Variants in ROBO2 observed in about 807,000 individuals in gnomAD.
ROBO2 encodes the protein roundabout guidance receptor 2.
ROBO2 carries 53 observed loss-of-function variants against 160.8 expected under a neutral mutation model. That is an observed-to-expected ratio of 0.33 (90% confidence interval 0.26 to 0.41). ROBO2 has a LOEUF of 0.41. Among genes scored for constraint, ROBO2 ranks in the 10% least tolerant of loss-of-function variants. The probability of loss-of-function intolerance (pLI) is 1.00; values close to 1 mark genes in which losing one functional copy is unlikely to be tolerated. For synonymous variants in ROBO2, 664 were observed against 611.7 expected (o/e 1.09, Z -1.26); for missense variants, 1,577 against 1,722.4 (o/e 0.92, Z 1.49).
intron 2 of ROBO2, among the ~76,000 whole-genome samples, chr3:77,312,930 T>G (rs1482133914): frequency 6.6e-6 from 1 of 152,240 alleles, no homozygotes; most frequent in Non-Finnish European, 1.5e-5. Flanking sequence ...TTATTTACCT[T>G]TTCTGTTGGC....
exon 21 of ROBO2, chr3:77,607,853 C>A (rs749588131): frequency 6.2e-7 from 1 of 1,613,924 alleles, no homozygotes; most frequent in East Asian, 2.2e-5. Flanking sequence ...CACAGAAAAA[C>A]AATGGATCCA....
chr3:76,981,225 A>G (rs941964885), intron 2 of ROBO2, among the ~76,000 whole-genome samples: 8 of 152,328 alleles, frequency 5.3e-5, no homozygotes, highest in African/African-American at 1.7e-4. Flanking sequence ...GCTGGGTCAT[A>G]TAGTAACTAT....
chr3:76,393,646 G>T (rs2077270082), intron 2 of ROBO2, among the ~76,000 whole-genome samples: 1 of 152,158 alleles, frequency 6.6e-6, no homozygotes. Context: ...CACAATAGTT[G>T]AACTTGATAA....
At chr3:76,145,016 TTTC>T (rs1382766894) in intron 2 of ROBO2, among the ~76,000 whole-genome samples, 1 of 151,960 alleles carries the variant, frequency 6.6e-6, no homozygotes, top group African/African-American at 2.4e-5. Flanking sequence ...TATTCAAGAA[TTTC>T]TTCATTTATT....
intron 2 of ROBO2, among the ~76,000 whole-genome samples, chr3:76,070,376 T>C (rs776654640): frequency 1.3e-5 from 2 of 152,088 alleles, no homozygotes; most frequent in African/African-American, 2.4e-5. Flanking sequence ...ATTGCAGAGA[T>C]GAAATGGACT....
intron 2 of ROBO2, among the ~76,000 whole-genome samples, chr3:76,266,316 C>G (rs1707097072): frequency 6.6e-6 from 1 of 152,032 alleles, no homozygotes; most frequent in Non-Finnish European, 1.5e-5. Flanking sequence ...CAAGGGTTGA[C>G]AAATTATTAT....
intron 2 of ROBO2, among the ~76,000 whole-genome samples, chr3:76,691,067 A>G (rs1301905851): frequency 1.3e-5 from 2 of 152,092 alleles, no homozygotes; most frequent in African/African-American, 2.4e-5. Flanking sequence ...AAAAAAGAAC[A>G]ATAATTAACC....
At chr3:75,921,868 G>A (rs919866175) in intron 1 of ROBO2, among the ~76,000 whole-genome samples, 2 of 152,056 alleles carry the variant, frequency 1.3e-5, no homozygotes, top group Admixed American at 6.6e-5. Flanking sequence ...TACCCTCAAT[G>A]GTATATGTGT....
At chr3:77,576,006 A>T (rs543536852) in intron 14 of ROBO2, among the ~76,000 whole-genome samples, 16 of 152,182 alleles carry the variant, frequency 1.1e-4, no homozygotes, top group Admixed American at 7.2e-4. Context: ...GTTCTTTCAC[A>T]TCTGTAGAAC....
At chr3:76,608,484 C>T (rs2087829739) in intron 2 of ROBO2, among the ~76,000 whole-genome samples, 1 of 152,152 alleles carries the variant, frequency 6.6e-6, no homozygotes, top group Admixed American at 6.5e-5. Flanking sequence ...ACTCCTAAGC[C>T]CCTTACATCC....
chr3:77,187,448 CA>C (rs999425166), intron 2 of ROBO2, among the ~76,000 whole-genome samples: 16 of 151,872 alleles, frequency 1.1e-4, no homozygotes, highest in African/African-American at 3.6e-4. Context: ...AAGTCTATGT[CA>C]AAACAGTAAA....
At chr3:76,164,918 T>C (rs540757217) in intron 2 of ROBO2, among the ~76,000 whole-genome samples, 15 of 152,208 alleles carry the variant, frequency 9.9e-5, no homozygotes, top group African/African-American at 3.4e-4. Flanking sequence ...ACAAAACCAA[T>C]TCAAAGCCAA....
At chr3:77,289,187 G>C (rs536669244) in intron 2 of ROBO2, among the ~76,000 whole-genome samples, 113 of 152,166 alleles carry the variant, frequency 7.4e-4, no homozygotes, top group Non-Finnish European at 1.4e-3. Flanking sequence ...GATGTGAGGG[G>C]AGGTGCTTGA....
intron 2 of ROBO2, among the ~76,000 whole-genome samples, chr3:76,168,967 CT>C (rs1367104135): frequency 2.6e-5 from 4 of 151,494 alleles, no homozygotes; most frequent in Admixed American, 2.6e-4. Flanking sequence ...CATTGATTTC[CT>C]AACTTTTAAA....
intron 2 of ROBO2, among the ~76,000 whole-genome samples, chr3:76,421,753 C>G (rs2076006005): frequency 6.6e-6 from 1 of 151,804 alleles, no homozygotes; most frequent in African/African-American, 2.4e-5. Context: ...GGCAATTTGT[C>G]CATACAACAT....
chr3:76,656,720 G>A lies in ROBO2; in HGVS notation c.110-441294G>A, dbSNP rs76374511. On this transcript the variant is annotated intron_variant, in intron 2 of 26. Coordinates refer to the ROBO2 transcript ENST00000487694. The stretch of plus-strand genomic sequence containing the variant: ...TTCCCACTGTAAACCTCAGACCTCC[G>A]AGACATTATGGCAGCCTTGAACTTG... 4.3e-3 allele frequency among the ~76,000 whole-genome samples: 648 copies of A among 151,820 alleles called. 4 individuals carry two copies. Among genetic ancestry groups the A allele is most frequent in the African/African-American group, 0.015 (627 of 41,358 alleles).
At chr3:76,284,301 C>A (rs145170487) in intron 2 of ROBO2, among the ~76,000 whole-genome samples, 2,103 of 152,058 alleles carry the variant, frequency 0.014, 37 homozygotes, top group Admixed American at 0.039. Flanking sequence ...AAGCTTGCCT[C>A]TTTCACCTTT....
intron 2 of ROBO2, among the ~76,000 whole-genome samples, chr3:76,897,037 C>T (rs1278790169): frequency 6.6e-6 from 1 of 152,068 alleles, no homozygotes; most frequent in African/African-American, 2.4e-5. Flanking sequence ...CACTCTACCT[C>T]TAGAGTCCAT....
At chr3:77,169,574 G>A (rs1177953072) in intron 2 of ROBO2, among the ~76,000 whole-genome samples, 4 of 151,918 alleles carry the variant, frequency 2.6e-5, no homozygotes, top group African/African-American at 9.7e-5. Flanking sequence ...TCAGAATATC[G>A]TTTCTGAAAA....
Sources: gnomAD v4.1 joint callset for allele counts (sites outside exome capture counted in the v4.1 genomes callset) on GRCh38, gnomAD v4.1.1 for gene constraint, MANE v1.5 for transcripts, NCBI Gene and HGNC (gene_info 2026-07-23, HGNC 2026-07-21) for gene names.